Variants in ATAD2 observed in about 807,000 individuals in gnomAD.
ATAD2 encodes the protein ATPase family AAA domain-containing protein 2.
Under a neutral mutation model 168.9 loss-of-function variants are expected in ATAD2, and 62 were observed. The ratio of observed to expected loss-of-function variants is 0.37; its 90% CI spans 0.30 to 0.45. The LOEUF is 0.45. Among genes scored for constraint, ATAD2 ranks in the 20% least tolerant of loss-of-function variants. ATAD2 has a pLI of 1.00. For synonymous variants in ATAD2, 613 were observed against 571.6 expected (o/e 1.07, Z -1.03); for missense variants, 1,419 against 1,667.8 (o/e 0.85, Z 2.60).
At chr8:123,414,668 C>T (rs1470514864) in intron 1 of ATAD2, among the ~76,000 whole-genome samples, 1 of 152,182 alleles carries the variant, frequency 6.6e-6, no homozygotes, top group Non-Finnish European at 1.5e-5. Context: ...ATAACGATAA[C>T]ACATAAGGAA....
At position 123,369,782 on chromosome 8, in the gene ATAD2, A is replaced by G. The variant is rs114202194; in HGVS notation, c.931+39T>C. On this transcript the variant is annotated intron_variant, in intron 7 of 27. Transcript: ENST00000287394. ...AAGAAACAGGAAATATAAAGCTAATATAATTACATCTCCTGGAAAGAGTAT... is the reference window on the plus strand; with the variant it reads ...AAGAAACAGGAAATATAAAGCTAATGTAATTACATCTCCTGGAAAGAGTAT... 2.7e-4 allele frequency: 407 copies of G among 1,484,018 alleles called. 1 individual carries two copies. In the African/African-American group the frequency reaches 4.5e-3, roughly 16 times the overall value. The allele number at this position is 1,484,018 out of a possible 1,614,324, so 91.9% of individuals were successfully genotyped here.
chr8:123,325,585 C>T (rs935385272), intron 26 of ATAD2, among the ~76,000 whole-genome samples: 1 of 151,856 alleles, frequency 6.6e-6, no homozygotes, highest in Admixed American at 6.6e-5. Context: ...TGCGCCCAGC[C>T]TAATTTTTTA....
chr8:123,379,887 A>ATTT (rs769102696), intron 2 of ATAD2, among the ~76,000 whole-genome samples: 4,636 of 127,338 alleles, frequency 0.036, 123 homozygotes, highest in Admixed American at 0.094. Flanking sequence ...TATTATTATT[A>ATTT]TTATTTTTTT....
intron 13 of ATAD2, 98 bp from the exon 14 acceptor site, chr8:123,349,542 G>A: frequency 1.7e-6 from 2 of 1,202,178 alleles, no homozygotes; most frequent in South Asian, 1.5e-5. Context: ...CGCATTACAT[G>A]TGAATAAATT....
chr8:123,346,564 T>G, intron 17 of ATAD2, 54 bp downstream of exon 17: 1 of 1,429,664 alleles, frequency 7.0e-7, no homozygotes, highest in Non-Finnish European at 9.4e-7. Flanking sequence ...ACATCTCATT[T>G]ATTTTTAGAA....
chr8:123,394,576 G>A (rs1289803803), intron 1 of ATAD2, among the ~76,000 whole-genome samples: 2 of 151,788 alleles, frequency 1.3e-5, no homozygotes, highest in Non-Finnish European at 2.9e-5. Context: ...TTGAGGTTGC[G>A]GTGAGCCGAG....
chr8:123,344,372 G>C (rs1229757446), intron 19 of ATAD2: 1 of 128,978 alleles, frequency 7.8e-6, no homozygotes, highest in Non-Finnish European at 1.6e-5. Flanking sequence ...TTTTGAGACA[G>C]AGTCTCGCTC....
intron 11 of ATAD2, among the ~76,000 whole-genome samples, chr8:123,358,723 C>CTTT (rs772822406): frequency 1.4e-3 from 104 of 76,800 alleles, no homozygotes; most frequent in African/African-American, 1.6e-3. Context: ...TGGTACATTA[C>CTTT]TTTTTTTTTT....
At chr8:123,359,004 C>T (rs971763943) in intron 11 of ATAD2, among the ~76,000 whole-genome samples, 1 of 151,886 alleles carries the variant, frequency 6.6e-6, no homozygotes, top group Non-Finnish European at 1.5e-5. Context: ...GTGCCTGGCC[C>T]AGTATATTAC....
At chr8:123,370,741 A>G (rs1258867469) in intron 6 of ATAD2, among the ~76,000 whole-genome samples, 162 bp downstream of exon 6, 1 of 152,080 alleles carries the variant, frequency 6.6e-6, no homozygotes, top group African/African-American at 2.4e-5. Flanking sequence ...AAAACATACT[A>G]TCCTCTTAAG....
rs1200871931 is a variant in ATAD2, at chr8:123,348,228, T to C, written c.1852A>G (p.Lys618Glu). ...LKIHTRDWNP[K>E]PLDTFLEELA... The stretch of plus-strand genomic sequence containing the variant: ...TCTTCTAAAAATGTGTCCAGTGGTT[T>C]GGGATTCCAATCCCTGGTGTGAATC... The change falls in exon 15 of 28, where the codon AAA (lysine) becomes GAA (glutamate). Residue 618 changes from lysine to glutamate, a missense_variant. Coordinates refer to ENST00000287394, the MANE Select transcript of ATAD2 (RefSeq NM_014109.4). 1.2e-6 allele frequency: 2 copies of C among 1,603,172 alleles called. No homozygotes were observed. Among genetic ancestry groups the C allele is most frequent in the Non-Finnish European group, 1.7e-6 (2 of 1,177,302 alleles).
intron 1 of ATAD2, among the ~76,000 whole-genome samples, chr8:123,408,362 C>A (rs3779991): frequency 0.68 from 102,707 of 152,036 alleles, 35,231 homozygotes; most frequent in East Asian, 0.97. Flanking sequence ...AGGCATGTGA[C>A]CTTGGACCAG....
chr8:123,325,900 C>G lies in ATAD2; in HGVS notation c.3995G>C (p.Arg1332Pro), dbSNP rs149917956. 1 of 1,613,634 alleles carries G rather than the reference C, an allele frequency of 6.2e-7. No homozygotes were observed. The highest frequency in any genetic ancestry group is 1.3e-5 in the African/African-American group (1 of 74,898). The part of the protein sequence containing the change: ...PTPSLVVDHE[R>P]LKNLLKTVVK... ...TGATTTCAATTTACATACTTTTAATCGCTCATGATCCACAACAAGTGAGGG... is the reference window on the plus strand; with the variant it reads ...TGATTTCAATTTACATACTTTTAATGGCTCATGATCCACAACAAGTGAGGG... The change falls in exon 26 of 28, where the codon CGA becomes CCA. Residue 1332 changes from arginine to proline, a missense_variant. Arg to Pro is a moderately radical substitution (Grantham distance 103, BLOSUM62 -2). Around this residue, in one of 5 missense-constraint regions of ATAD2, gnomAD observed 303 missense variants for 304.3 expected, o/e 1.00. Coordinates refer to ENST00000287394, the MANE Select transcript of ATAD2 (RefSeq NM_014109.4).
chr8:123,397,310 G>A (rs969402384), upstream of ATAD2, among the ~76,000 whole-genome samples: 1 of 149,112 alleles, frequency 6.7e-6, no homozygotes, highest in African/African-American at 2.5e-5. Context: ...TAAATGTGAA[G>A]TTCAGATAAA....
intron 2 of ATAD2, among the ~76,000 whole-genome samples, chr8:123,373,897 T>C (rs949655424): frequency 2.0e-5 from 3 of 152,108 alleles, no homozygotes; most frequent in Admixed American, 1.3e-4. Context: ...AATCAACCTA[T>C]GTATCAAGCT....
intron 18 of ATAD2, 144 bp downstream of exon 18, chr8:123,345,942 C>G: frequency 1.8e-6 from 1 of 556,692 alleles, no homozygotes; most frequent in Non-Finnish European, 2.9e-6. Context: ...TCTTTAATGA[C>G]TAAGCAATCA....
chr8:123,348,542 T>C (rs1209346132), intron 14 of ATAD2, among the ~76,000 whole-genome samples: 3 of 152,134 alleles, frequency 2.0e-5, no homozygotes, highest in Non-Finnish European at 2.9e-5. Context: ...CTGGGCGTGG[T>C]AGCATGTGCC....
chr8:123,411,922 C>T (rs946713145), intron 1 of ATAD2, among the ~76,000 whole-genome samples: 6 of 152,124 alleles, frequency 3.9e-5, no homozygotes, highest in Non-Finnish European at 7.3e-5. Flanking sequence ...CAAATAATAC[C>T]TGCACTGCTC....
chr8:123,342,148 C>T (rs1025658114), intron 19 of ATAD2, among the ~76,000 whole-genome samples: 1 of 152,058 alleles, frequency 6.6e-6, no homozygotes, highest in African/African-American at 2.4e-5. Context: ...TATCTTTCAG[C>T]CTGAGTGTTT....
Sources: allele counts gnomAD v4.1 joint callset (sites outside exome capture counted in the v4.1 genomes callset), GRCh38; gene constraint gnomAD v4.1.1; regional missense constraint gnomAD v4.1.1; transcripts MANE v1.5; gene names NCBI Gene and HGNC (gene_info 2026-07-23, HGNC 2026-07-21).